The following CFI variants were observed in gnomAD, a reference collection of about 807,000 sequenced individuals.
CFI encodes the protein complement factor I.
Under a neutral mutation model 78.8 loss-of-function variants are expected in CFI, and 66 were observed. That is an observed-to-expected ratio of 0.84 (90% CI 0.69 to 1.03). The LOEUF is 1.03. Ranked by LOEUF, CFI falls within the 50% of genes least tolerant of loss-of-function variation. CFI has a pLI of 0.00. For missense variants in CFI, 706 were observed against 704.5 expected (o/e 1.00, Z -0.02); for synonymous variants, 250 against 232.6 (o/e 1.07, Z -0.68).
intron 11 of CFI, 130 bp downstream of exon 11, chr4:109,746,092 G>T: frequency 8.9e-7 from 1 of 1,129,788 alleles, no homozygotes; most frequent in Non-Finnish European, 1.3e-6. Context: ...GCCAGCCATG[G>T]CTGGATGTTT....
intron 1 of CFI, among the ~76,000 whole-genome samples, chr4:109,795,337 C>A (rs1731927348): frequency 6.6e-6 from 1 of 152,196 alleles, no homozygotes; most frequent in Admixed American, 6.5e-5. Context: ...CCAGCTGACC[C>A]ACCCAGAATC....
At chr4:109,748,600 G>A (rs1277565416) in intron 10 of CFI, among the ~76,000 whole-genome samples, 1 of 152,140 alleles carries the variant, frequency 6.6e-6, no homozygotes, top group African/African-American at 2.4e-5. Flanking sequence ...ATCATTTCTG[G>A]CAGGGGAAAC....
chr4:109,757,966 C>T (rs1265519995), intron 6 of CFI, 183 bp from the exon 7 acceptor site: 10 of 1,454,118 alleles, frequency 6.9e-6, no homozygotes, highest in African/African-American at 1.4e-5. Flanking sequence ...GCTGCTAAAA[C>T]AAAAAACAAA....
chr4:109,752,636 A>G, intron 7 of CFI, 133 bp from the exon 8 acceptor site: 5 of 747,102 alleles, frequency 6.7e-6, no homozygotes, highest in Non-Finnish European at 1.1e-5. Context: ...GAACTGTACA[A>G]AATCCCCAAG....
chr4:109,791,135 C>T (rs780123689), intron 1 of CFI, among the ~76,000 whole-genome samples: 1 of 152,016 alleles, frequency 6.6e-6, no homozygotes, highest in Non-Finnish European at 1.5e-5. Context: ...TTTAATAGTG[C>T]CATTCTGACT....
chr4:109,758,039 C>T, intron 6 of CFI: 1 of 1,061,284 alleles, frequency 9.4e-7, no homozygotes, highest in East Asian at 2.7e-5. Context: ...TATTAAATTT[C>T]AGACTAGTAC....
At chr4:109,794,189 G>A (rs1731748558) in intron 1 of CFI, 1 of 152,066 alleles carries the variant, frequency 6.6e-6, no homozygotes, top group Non-Finnish European at 1.5e-5. Context: ...ATCAAATGTG[G>A]AAATTTTTCA....
the CFI span, among the ~76,000 whole-genome samples, chr4:109,735,637 G>A: frequency 6.6e-6 from 1 of 152,180 alleles, no homozygotes; most frequent in Non-Finnish European, 1.5e-5. Flanking sequence ...TTTTGTCCAG[G>A]ATGAAAATAA....
Position 109,764,928 on chromosome 4 carries a change from A to G in CFI, c.329-238T>C, listed in dbSNP as rs10857000. Among the ~76,000 whole-genome samples the G allele has an allele frequency of 0.97, 147,823 of 152,242 alleles. 71,910 individuals carry two copies. The highest frequency in any genetic ancestry group is 1 in the East Asian group (5,172 of 5,172). On this transcript the variant is annotated intron_variant, in intron 2 of 12. Coordinates refer to ENST00000394634, the MANE Select transcript of CFI (RefSeq NM_000204.5). ...CATCAACCCTATGAGGATAAAGCCT[A>G]TTTATTCCCATTTTTACACAAGGAA...
the CFI span, among the ~76,000 whole-genome samples, chr4:109,732,009 C>T: frequency 8.7e-6 from 1 of 114,352 alleles, no homozygotes; most frequent in East Asian, 2.2e-4. Context: ...CACCTGAATC[C>T]TTAAACCAGG....
chr4:109,766,113 G>A lies in CFI; in HGVS notation c.328+441C>T, dbSNP rs6845805. 7.8e-3 allele frequency among the ~76,000 whole-genome samples: 1,183 copies of A among 152,084 alleles called. 13 individuals are homozygous for A. Among genetic ancestry groups the A allele is most frequent in the African/African-American group, 0.027 (1,108 of 41,478 alleles). The stretch of plus-strand genomic sequence containing the variant: ...AGCCTGGGCAACAGAGCCAGACTCC[G>A]TCTCAAAAAAACAAAACAAACAAAA... On this transcript the variant is annotated intron_variant, in intron 2 of 12. Transcript: ENST00000394634.
intron 1 of CFI, among the ~76,000 whole-genome samples, chr4:109,783,441 G>T (rs1282761813): frequency 6.6e-6 from 1 of 151,878 alleles, no homozygotes; most frequent in Admixed American, 6.6e-5. Context: ...CATCACTAAT[G>T]ACCAGGGAAA....
downstream of CFI, among the ~76,000 whole-genome samples, chr4:109,736,659 T>C (rs1723387839): frequency 6.6e-6 from 1 of 152,178 alleles, no homozygotes; most frequent in African/African-American, 2.4e-5. Context: ...ATGCACAATG[T>C]AAGATTGCTT....
chr4:109,800,693 G>T (rs937614231), intron 1 of CFI, among the ~76,000 whole-genome samples: 5 of 152,004 alleles, frequency 3.3e-5, no homozygotes, highest in Non-Finnish European at 7.4e-5. Flanking sequence ...ACTATTAACT[G>T]TTTGATACAT....
intron 1 of CFI, among the ~76,000 whole-genome samples, chr4:109,791,390 G>T (rs1395662947): frequency 1.3e-5 from 2 of 151,488 alleles, no homozygotes; most frequent in Non-Finnish European, 2.9e-5. Flanking sequence ...CATCCGTAGG[G>T]TGTCTGTTCA....
Position 109,749,546 on chromosome 4 carries a change from T to C in CFI, c.997A>G (p.Met333Val), listed in dbSNP as rs181691436. 2 of 1,613,764 alleles carry C rather than the reference T, an allele frequency of 1.2e-6. No homozygotes were observed. The highest frequency in any genetic ancestry group is 8.5e-7 in the Non-Finnish European group (1 of 1,179,640). ...PKLSCGVKNR[M>V]HIRRKRIVGG... ...ACAATTCGTTTCCTTCGAATGTGCA[T>C]TCTGTTTTTAACTCCACAAGATAGT... The change falls in exon 9 of 13, where the codon ATG (methionine) becomes GTG (valine). Residue 333 changes from methionine to valine, a missense_variant. Transcript: ENST00000394634.
intron 10 of CFI, among the ~76,000 whole-genome samples, chr4:109,748,270 C>A (rs1185984121): frequency 6.6e-6 from 1 of 152,072 alleles, no homozygotes. Flanking sequence ...TCAATTTATT[C>A]AACAAATACT....
intron 6 of CFI, 158 bp downstream of exon 6, chr4:109,760,112 T>C (rs1366456562): frequency 5.7e-6 from 4 of 705,656 alleles, no homozygotes; most frequent in Non-Finnish European, 7.8e-6. Context: ...GATGAAAATA[T>C]GAGGAGATGA....
At chr4:109,756,895 AAGAAAGAAAGAAAGAAAG>A (rs1457309475) in intron 7 of CFI, among the ~76,000 whole-genome samples, 1 of 24,674 alleles carries the variant, frequency 4.1e-5, no homozygotes, top group Non-Finnish European at 9.0e-5. Context: ...AAAGGAAAGA[AAGAAAGAAAGAAAGAAAG>A]AAAGAAAGAA....
Sources: allele counts gnomAD v4.1 joint callset (sites outside exome capture counted in the v4.1 genomes callset), GRCh38; gene constraint gnomAD v4.1.1; transcripts MANE v1.5; gene names NCBI Gene and HGNC (gene_info 2026-07-23, HGNC 2026-07-21).